Variants in DLC1 observed in about 807,000 individuals in gnomAD.
The protein encoded by DLC1 is DLC1 Rho GTPase activating protein.
Under a neutral mutation model 140.3 loss-of-function variants are expected in DLC1, and 54 were observed. The ratio of observed to expected loss-of-function variants is 0.38; its 90% CI spans 0.31 to 0.48. DLC1 has a LOEUF of 0.48. Ranked by LOEUF, DLC1 falls within the 20% of genes least tolerant of loss-of-function variation. DLC1 has a pLI of 0.96. For missense variants in DLC1, 2,536 were observed against 1,907.0 expected (o/e 1.33, Z -6.14); for synonymous variants, 986 against 728.1 (o/e 1.35, Z -5.70).
At chr8:13,126,514 C>A (rs1474479384) in intron 5 of DLC1, among the ~76,000 whole-genome samples, 2 of 152,076 alleles carry the variant, frequency 1.3e-5, no homozygotes, top group East Asian at 3.9e-4. Flanking sequence ...ATGATAACTG[C>A]ATAGATTAAG....
intron 1 of DLC1, among the ~76,000 whole-genome samples, chr8:13,530,532 C>A (rs748942047): frequency 3.0e-4 from 46 of 152,116 alleles, no homozygotes; most frequent in Non-Finnish European, 5.4e-4. Context: ...TTTCCAGATA[C>A]ATGTGTAGTA....
In DLC1 at chr8:13,164,998, T is replaced by A. The variant is rs146197576; in HGVS notation, c.1349-49341A>T. ...GCCCCGGATATCAGTGAAGAAATTG[T>A]CATCTGAATATGGTAAGTTGCAGAA... On this transcript the variant is annotated intron_variant, in intron 5 of 17. Coordinates refer to ENST00000276297, the MANE Select transcript of DLC1 (RefSeq NM_182643.3). Among the ~76,000 whole-genome samples the A allele has an allele frequency of 1.3e-3, 192 of 152,326 alleles. 1 individual carries two copies. Among genetic ancestry groups the A allele is most frequent in the African/African-American group, 3.8e-3 (159 of 41,578 alleles).
chr8:13,478,276 G>C (rs1015110435), intron 2 of DLC1, among the ~76,000 whole-genome samples: 11 of 152,028 alleles, frequency 7.2e-5, no homozygotes, highest in Admixed American at 3.9e-4. Flanking sequence ...GTAGGTGGAG[G>C]TGCCACACAC....
chr8:13,202,700 C>T (rs995480990), intron 5 of DLC1, among the ~76,000 whole-genome samples: 5 of 151,724 alleles, frequency 3.3e-5, no homozygotes, highest in South Asian at 2.1e-4. Context: ...TTTTGAGATG[C>T]GGTCTCACTG....
At chr8:13,479,829 G>GACAAA (rs1563383401) in intron 2 of DLC1, among the ~76,000 whole-genome samples, 1 of 32,944 alleles carries the variant, frequency 3.0e-5, no homozygotes, top group Admixed American at 3.5e-4. Context: ...AGAAGAAGAA[G>GACAAA]AAGAAGAAGA....
intron 5 of DLC1, among the ~76,000 whole-genome samples, chr8:13,230,211 C>G (rs978766736): frequency 6.6e-6 from 1 of 152,240 alleles, no homozygotes; most frequent in Admixed American, 6.5e-5. Flanking sequence ...GTACTTGTAG[C>G]CAGTAAATAG....
chr8:13,119,023 G>A (rs1274323688), intron 5 of DLC1, among the ~76,000 whole-genome samples: 2 of 151,996 alleles, frequency 1.3e-5, no homozygotes, highest in Non-Finnish European at 2.9e-5. Context: ...GAGCCCAGGA[G>A]TTCAAGACAA....
At chr8:13,452,653 G>A (rs1260046601) in intron 2 of DLC1, among the ~76,000 whole-genome samples, 1 of 152,126 alleles carries the variant, frequency 6.6e-6, no homozygotes, top group Admixed American at 6.6e-5. Flanking sequence ...ATTAAAATAT[G>A]TTTTTGCTGG....
intron 1 of DLC1, among the ~76,000 whole-genome samples, chr8:13,555,498 T>C (rs1804011155): frequency 6.6e-6 from 1 of 152,074 alleles, no homozygotes; most frequent in South Asian, 2.1e-4. Flanking sequence ...TTTTTAAATT[T>C]TTTATTTTTT....
chr8:13,459,891 G>A (rs7818084), intron 2 of DLC1, among the ~76,000 whole-genome samples: 29 of 152,262 alleles, frequency 1.9e-4, no homozygotes, highest in African/African-American at 6.5e-4. Flanking sequence ...TGAGTAGGAG[G>A]GTGGCCTGGT....
At chr8:13,386,715 A>T (rs289524) in intron 4 of DLC1, among the ~76,000 whole-genome samples, 124,281 of 152,118 alleles carry the variant, frequency 0.82, 50,971 homozygotes, top group East Asian at 0.93. Context: ...AGACTAGGTG[A>T]ATGAAATCCT....
upstream of DLC1, chr8:13,514,876 C>A (rs1360888037): frequency 2.6e-6 from 1 of 378,808 alleles, no homozygotes; most frequent in Non-Finnish European, 4.7e-6. Context: ...GGGGCCTCCA[C>A]AACCAGGCCC....
chr8:13,142,295 C>G (rs1465215384), intron 5 of DLC1, among the ~76,000 whole-genome samples: 1 of 152,170 alleles, frequency 6.6e-6, no homozygotes, highest in African/African-American at 2.4e-5. Flanking sequence ...TTGTGAAAGA[C>G]TAATATTTGA....
intron 1 of DLC1, chr8:13,557,565 C>G (rs1423825681): frequency 6.6e-6 from 1 of 152,138 alleles, no homozygotes; most frequent in East Asian, 1.9e-4. Context: ...CCTTGCTGTT[C>G]TTATGATAGT....
At chr8:13,245,849 C>A (rs1264023110) in intron 5 of DLC1, among the ~76,000 whole-genome samples, 1 of 151,842 alleles carries the variant, frequency 6.6e-6, no homozygotes, top group East Asian at 1.9e-4. Context: ...TACAGGTGCC[C>A]ACCACCACTC....
At chr8:13,488,917 A>C (rs1801103208) in intron 2 of DLC1, among the ~76,000 whole-genome samples, 1 of 152,148 alleles carries the variant, frequency 6.6e-6, no homozygotes. Context: ...TTAGCCAACG[A>C]ATGCATATTC....
intron 4 of DLC1, among the ~76,000 whole-genome samples, chr8:13,391,066 T>A (rs891241409): frequency 6.6e-6 from 1 of 152,194 alleles, no homozygotes; most frequent in African/African-American, 2.4e-5. Context: ...AAAAGAAATT[T>A]CGTAAAAGTC....
chr8:13,555,586 G>C (rs772669111), intron 1 of DLC1, among the ~76,000 whole-genome samples: 5 of 152,030 alleles, frequency 3.3e-5, no homozygotes, highest in Admixed American at 1.3e-4. Context: ...CCTCCTCCTG[G>C]GTACAAGCGA....
intron 4 of DLC1, among the ~76,000 whole-genome samples, chr8:13,334,767 G>A (rs928538467): frequency 6.6e-6 from 1 of 152,162 alleles, no homozygotes; most frequent in Non-Finnish European, 1.5e-5. Flanking sequence ...CAGTTGTCCT[G>A]GTTTTGTCAT....
Sources: allele counts gnomAD v4.1 joint callset (sites outside exome capture counted in the v4.1 genomes callset), GRCh38; gene constraint gnomAD v4.1.1; transcripts MANE v1.5; gene names NCBI Gene and HGNC (gene_info 2026-07-23, HGNC 2026-07-21).